Variants in SLC41A3 observed in about 807,000 individuals in gnomAD.
SLC41A3 encodes the protein SLC41A1-like 2.
Under a neutral mutation model 45.4 loss-of-function variants are expected in SLC41A3, and 44 were observed. The observed-to-expected ratio is 0.97, with a 90% CI of 0.76 to 1.25. The LOEUF is 1.25. Ranked by LOEUF, SLC41A3 falls within the 50% of genes most tolerant of loss-of-function variation. The pLI is 0.00. For missense variants in SLC41A3, 550 were observed against 600.6 expected (o/e 0.92, Z 0.88); for synonymous variants, 256 against 252.4 (o/e 1.01, Z -0.13).
chr3:126,066,635 T>G (rs990283195), intron 2 of SLC41A3, among the ~76,000 whole-genome samples: 1 of 152,108 alleles, frequency 6.6e-6, no homozygotes, highest in African/African-American at 2.4e-5. Context: ...GGGAGTTCAG[T>G]CAGAGTAGTG....
chr3:126,086,802 C>T (rs1945404243), upstream of SLC41A3, among the ~76,000 whole-genome samples: 1 of 152,040 alleles, frequency 6.6e-6, no homozygotes, highest in African/African-American at 2.4e-5. Context: ...ATAAGATGTA[C>T]TTCTATTGCC....
chr3:126,060,070 TG>T (rs1238471094), intron 2 of SLC41A3, among the ~76,000 whole-genome samples: 12 of 152,086 alleles, frequency 7.9e-5, no homozygotes, highest in Admixed American at 7.9e-4. Context: ...TAGAAAGAGG[TG>T]TCTGACCAAG....
chr3:126,012,675 C>T lies in SLC41A3; in HGVS notation c.1045G>A (p.Val349Ile), dbSNP rs201592486. ...AATTTCTTCATCTGGAGGGGCAGGA[C>T]GCCAGGTGCACTCCACATGTGCAGG... ...TYLHMWSAPG[V>I]LPLQMKKFWP... is the part of the protein sequence containing the mutation. Residue 349 changes from valine to isoleucine, a missense_variant, in exon 9 of 11, where the codon GTC becomes ATC. Val to Ile is a conservative substitution (Grantham distance 29, BLOSUM62 3). Coordinates refer to ENST00000360370, the MANE Select transcript of SLC41A3 (RefSeq NM_017836.4). 106 of 1,614,082 alleles carry T rather than the reference C, an allele frequency of 6.6e-5. No individual in the cohort carries two copies. Among genetic ancestry groups the T allele is most frequent in the Non-Finnish European group, 8.3e-5 (98 of 1,180,048 alleles).
intron 3 of SLC41A3, among the ~76,000 whole-genome samples, chr3:126,039,744 T>C (rs764042415): frequency 2.0e-5 from 3 of 152,226 alleles, no homozygotes; most frequent in African/African-American, 7.2e-5. Flanking sequence ...TCCACACATA[T>C]TTAAAAGAGA....
intron 1 of SLC41A3, among the ~76,000 whole-genome samples, chr3:126,096,232 GA>G (rs1406102346): frequency 6.6e-6 from 1 of 152,212 alleles, no homozygotes; most frequent in African/African-American, 2.4e-5. Flanking sequence ...TGATTTCAAT[GA>G]TTATTATGCT....
At chr3:126,099,575 C>G (rs1489417696) in intron 1 of SLC41A3, among the ~76,000 whole-genome samples, 1 of 152,092 alleles carries the variant, frequency 6.6e-6, no homozygotes, top group Admixed American at 6.5e-5. Context: ...AGCCAGGCAC[C>G]TGTAGTCTCA....
intron 3 of SLC41A3, among the ~76,000 whole-genome samples, chr3:126,040,621 T>C (rs1383524879): frequency 6.6e-6 from 1 of 151,944 alleles, no homozygotes; most frequent in Non-Finnish European, 1.5e-5. Context: ...CTGGCCTGGC[T>C]CCAAGCAGAT....
At chr3:126,087,861 G>T (rs1269020553), upstream of SLC41A3, among the ~76,000 whole-genome samples, 2 of 152,000 alleles carry the variant, frequency 1.3e-5, no homozygotes, top group Non-Finnish European at 2.9e-5. Flanking sequence ...TCTTTCTAGA[G>T]ATGGGTCTTT....
At position 126,046,017 on chromosome 3, in the gene SLC41A3, A is replaced by G. The variant is rs1481770335; in HGVS notation, c.381+4926T>C. 2.0e-5 allele frequency among the ~76,000 whole-genome samples: 3 copies of G among 151,528 alleles called. No individual in the cohort carries two copies. The East Asian group carries it at 5.8e-4, about 29-fold the overall frequency. On this transcript the variant is annotated intron_variant, in intron 3 of 10. Coordinates refer to ENST00000360370, the MANE Select transcript of SLC41A3 (RefSeq NM_017836.4). ...GGGAAAAAAAACCACATGATGAAAA[A>G]GCATCTGACAAAATTCAACACCTTT...
At chr3:126,031,900 C>T (rs1013008750) in intron 4 of SLC41A3, among the ~76,000 whole-genome samples, 1 of 152,172 alleles carries the variant, frequency 6.6e-6, no homozygotes, top group African/African-American at 2.4e-5. Flanking sequence ...GGTGCTAGCC[C>T]GTAAGACTCA....
chr3:126,078,642 T>G (rs1293579672), intron 1 of SLC41A3, among the ~76,000 whole-genome samples: 2 of 152,128 alleles, frequency 1.3e-5, no homozygotes, highest in African/African-American at 4.8e-5. Flanking sequence ...CTTTAATCCT[T>G]ACGGGACTGT....
intron 10 of SLC41A3, among the ~76,000 whole-genome samples, chr3:126,008,057 C>A (rs911096703): frequency 5.9e-5 from 9 of 152,236 alleles, no homozygotes; most frequent in African/African-American, 2.2e-4. Context: ...CCTGCCCACC[C>A]ACCGTTGGGG....
At chr3:126,040,564 C>A (rs1248358953) in intron 3 of SLC41A3, among the ~76,000 whole-genome samples, 1 of 152,112 alleles carries the variant, frequency 6.6e-6, no homozygotes, top group East Asian at 1.9e-4. Context: ...GGAGGGTTGA[C>A]CTTTCCCCTG....
At chr3:126,033,790 A>G (rs1294859861) in intron 3 of SLC41A3, 112 bp from the exon 4 acceptor site, 6 of 1,155,662 alleles carry the variant, frequency 5.2e-6, no homozygotes, top group Non-Finnish European at 7.4e-6. Flanking sequence ...CCATTTCATC[A>G]GCGTCAGAAA....
chr3:126,065,717 A>G (rs79818290), intron 2 of SLC41A3, among the ~76,000 whole-genome samples: 4,142 of 152,338 alleles, frequency 0.027, 167 homozygotes, highest in African/African-American at 0.09. Context: ...CATTTTAAAA[A>G]ATGAATGCAT....
At chr3:126,027,621 C>T (rs1260211553) in intron 4 of SLC41A3, among the ~76,000 whole-genome samples, 1 of 152,080 alleles carries the variant, frequency 6.6e-6, no homozygotes, top group Non-Finnish European at 1.5e-5. Flanking sequence ...AATGTGGAAG[C>T]GACCTTGGAG....
intron 9 of SLC41A3, among the ~76,000 whole-genome samples, chr3:126,011,548 G>A (rs1580383940): frequency 1.3e-5 from 2 of 152,078 alleles, no homozygotes. Context: ...TAAATTTTCC[G>A]ATTTGACAAA....
intron 6 of SLC41A3, among the ~76,000 whole-genome samples, chr3:126,021,145 T>C (rs555093658): frequency 8.3e-4 from 127 of 152,272 alleles, no homozygotes; most frequent in African/African-American, 2.6e-3. Flanking sequence ...CCGCCCGCCT[T>C]GGCCTCCCAA....
Position 126,006,802 on chromosome 3 carries a change from C to T in SLC41A3, c.*214G>A. On this transcript the variant is annotated 3_prime_UTR_variant, in exon 11 of 11. Coordinates refer to ENST00000360370, the MANE Select transcript of SLC41A3 (RefSeq NM_017836.4). ...CATGTGCACACATCATATTCACACA[C>T]TCAAGCCATGCTCTTGATTTCAGGG... 2 of 1,444,030 alleles carry T rather than the reference C, an allele frequency of 1.4e-6. No individual in the cohort carries two copies. Among genetic ancestry groups the T allele is most frequent in the Non-Finnish European group, 1.8e-6 (2 of 1,105,070 alleles). The allele number at this position is 1,444,030 out of a possible 1,614,324, so 89.5% of individuals were successfully genotyped here.
Sources: gnomAD v4.1 joint callset for allele counts (sites outside exome capture counted in the v4.1 genomes callset) on GRCh38, gnomAD v4.1.1 for gene constraint, MANE v1.5 for transcripts, NCBI Gene and HGNC (gene_info 2026-07-23, HGNC 2026-07-21) for gene names.